Variants in ARHGAP9 observed in about 807,000 individuals in gnomAD.
ARHGAP9 encodes the protein rho GTPase-activating protein 9.
Under a neutral mutation model 87.3 loss-of-function variants are expected in ARHGAP9, and 76 were observed. That is an observed-to-expected ratio of 0.87 (90% CI 0.72 to 1.05). The LOEUF is 1.05. Among genes scored for constraint, ARHGAP9 ranks in the 50% least tolerant of loss-of-function variants. The pLI, the probability that ARHGAP9 is intolerant of heterozygous loss-of-function variation, is 0.00. For synonymous variants in ARHGAP9, 382 were observed against 394.9 expected (o/e 0.97, Z 0.39); for missense variants, 941 against 960.5 (o/e 0.98, Z 0.27).
In ARHGAP9 at chr12:57,479,090, C is replaced by T. The variant is rs2139957299; in HGVS notation, c.316+1G>A. On this transcript the variant is annotated splice_donor_variant, in intron 2 of 17. Transcript: ENST00000393791. LOFTEE classifies it high-confidence loss of function. The stretch of plus-strand genomic sequence containing the variant: ...AGGGAGAGGGCTTAGCGCTTACTCA[C>T]CAGGAGTCCAGAGCAATTGGCCGGG... 2 of 1,613,912 alleles carry T rather than the reference C, an allele frequency of 1.2e-6. No homozygotes were observed. The highest frequency in any genetic ancestry group is 2.2e-5 in the East Asian group (1 of 44,862).
intron 17 of ARHGAP9, 73 bp downstream of exon 17, chr12:57,473,530 C>G: frequency 7.1e-7 from 1 of 1,410,502 alleles, no homozygotes. Context: ...TTCACTCCAC[C>G]TGCACAGAGT....
intron 6 of ARHGAP9, 108 bp downstream of exon 6, chr12:57,476,763 G>A: frequency 2.6e-6 from 4 of 1,539,906 alleles, no homozygotes; most frequent in South Asian, 2.2e-5. Flanking sequence ...CTGGGGGAGG[G>A]CTGGGTAGGA....
At chr12:57,482,216 A>T (rs897571652), upstream of ARHGAP9, among the ~76,000 whole-genome samples, 2 of 152,038 alleles carry the variant, frequency 1.3e-5, no homozygotes, top group African/African-American at 4.8e-5. Context: ...GAGGTGCAAC[A>T]TAGTGAGATC....
intron 4 of ARHGAP9, 71 bp from the exon 5 acceptor site, chr12:57,477,340 T>C: frequency 2.6e-6 from 4 of 1,514,164 alleles, no homozygotes; most frequent in Middle Eastern, 3.5e-4. Context: ...ACCCTTCTTA[T>C]ACTTGGCTGA....
chr12:57,482,597 C>G (rs554659010), upstream of ARHGAP9, among the ~76,000 whole-genome samples: 1 of 151,930 alleles, frequency 6.6e-6, no homozygotes, highest in Non-Finnish European at 1.5e-5. Flanking sequence ...CCCAGCTGCT[C>G]GGGAGGCTGA....
chr12:57,478,341 G>A (rs906841080), intron 3 of ARHGAP9, 199 bp downstream of exon 3: 27 of 606,320 alleles, frequency 4.5e-5, no homozygotes, highest in African/African-American at 2.2e-4. Context: ...ACTGAATGCC[G>A]TGACCTCACA....
chr12:57,477,529 C>G lies in ARHGAP9; in HGVS notation c.686G>C (p.Arg229Pro). 6.2e-7 allele frequency: 1 copy of G among 1,614,050 alleles called. No homozygotes were observed. The highest frequency in any genetic ancestry group is 8.5e-7 in the Non-Finnish European group (1 of 1,179,982). The change falls in exon 4 of 18, where the codon CGC (arginine) becomes CCC (proline). Residue 229 changes from arginine (R) to proline (P), a missense_variant. By Grantham distance (103) the Arg-to-Pro change is moderately radical (BLOSUM62 -2). Coordinates refer to ENST00000393791, the MANE Select transcript of ARHGAP9 (RefSeq NM_032496.4). ...WEQHLDPNSG[R>P]CFYINSLTGC... Reference sequence around the variant, plus strand: ...AGTCAGTGAATTTATGTAGAAGCAGCGTCCAGAGTTGGGGTCCAGGTGCTG... The same window carrying G: ...AGTCAGTGAATTTATGTAGAAGCAGGGTCCAGAGTTGGGGTCCAGGTGCTG...
intron 17 of ARHGAP9, 54 bp from the exon 18 acceptor site, chr12:57,472,742 G>A (rs1872247475): frequency 3.2e-6 from 5 of 1,575,088 alleles, no homozygotes; most frequent in East Asian, 2.2e-5. Context: ...CCACTTCATA[G>A]CAATCTAACT....
At chr12:57,472,757 C>T (rs1872254758) in intron 17 of ARHGAP9, 69 bp from the exon 18 acceptor site, 2 of 1,527,320 alleles carry the variant, frequency 1.3e-6, no homozygotes, top group Admixed American at 1.7e-5. Flanking sequence ...CTAACTAACC[C>T]TTCAAAGTTC....
chr12:57,486,263 C>T (rs188052720), intron 1 of ARHGAP9, among the ~76,000 whole-genome samples: 3 of 151,976 alleles, frequency 2.0e-5, no homozygotes, highest in Admixed American at 1.3e-4. Flanking sequence ...TCTTAGCCAT[C>T]TTGAATCTCA....
chr12:57,480,932 T>A, upstream of ARHGAP9: 1 of 1,186,472 alleles, frequency 8.4e-7, no homozygotes, highest in Non-Finnish European at 1.2e-6. Flanking sequence ...GGGTGGCTAG[T>A]ACTGGGCTTC....
Position 57,475,384 on chromosome 12 carries a change from C to T in ARHGAP9, c.1459G>A (p.Gly487Ser), listed in dbSNP as rs1454407462. 5.0e-6 allele frequency: 8 copies of T among 1,596,288 alleles called. No individual in the cohort carries two copies. The African/African-American group carries it at 5.4e-5, about 11-fold the overall frequency. ...SRRSSIRGPE[G>S]TEQNRVRNKL... ...TTGCGCACGCGGTTCTGCTCGGTGC[C>T]TTCGGGCCCCCGAACTGCAGGAGGC... Residue 487 changes from glycine (G) to serine (S), a missense_variant, in exon 12 of 18, where the codon GGC becomes AGC. Gly to Ser is a moderately conservative substitution (Grantham distance 56, BLOSUM62 0). Coordinates refer to ENST00000393791, the MANE Select transcript of ARHGAP9 (RefSeq NM_032496.4).
In ARHGAP9 at chr12:57,477,237, C is replaced by A; in HGVS notation, c.789G>T (p.Leu263=). 6.3e-7 allele frequency: 1 copy of A among 1,592,692 alleles called. No individual in the cohort carries two copies. The highest frequency in any genetic ancestry group is 8.6e-7 in the Non-Finnish European group (1 of 1,169,096). Reference sequence around the variant, plus strand: ...GTTGCAGGACATCATTGTTCCTCTTCAGGGTCTGTGTCCCCTCCATGGAGC... The same window carrying A: ...GTTGCAGGACATCATTGTTCCTCTTAAGGGTCTGTGTCCCCTCCATGGAGC... ...NPGSMEGTQT[L]KRNNDVLQPQ... Residue 263 remains leucine (L), a synonymous_variant, in exon 5 of 18, where the codon CTG becomes CTT. Coordinates refer to ENST00000393791, the MANE Select transcript of ARHGAP9 (RefSeq NM_032496.4).
intron 1 of ARHGAP9, among the ~76,000 whole-genome samples, chr12:57,485,242 C>A (rs1397816698): frequency 1.3e-5 from 2 of 151,944 alleles, no homozygotes; most frequent in African/African-American, 4.8e-5. Flanking sequence ...CCACCACGCC[C>A]AGCCTCTTGG....
At chr12:57,472,781 G>T (rs1872264974) in intron 17 of ARHGAP9, 93 bp from the exon 18 acceptor site, 2 of 1,356,988 alleles carry the variant, frequency 1.5e-6, no homozygotes, top group Non-Finnish European at 2.1e-6. Flanking sequence ...GCAGGGAAGA[G>T]TTCACTCTGG....
chr12:57,484,866 G>A (rs549480847), upstream of ARHGAP9, among the ~76,000 whole-genome samples: 16 of 152,064 alleles, frequency 1.1e-4, no homozygotes, highest in Admixed American at 9.8e-4. Context: ...GGATGGTCTC[G>A]AACTCCTGAC....
Position 57,474,065 on chromosome 12 carries a change from A to G in ARHGAP9, c.1895T>C (p.Leu632Pro). ...ACCAAGGGCAGCACGGAAATGGGGC[A>G]GCAGCAGTGGTGGCACCAGAGGCTG... is the stretch of plus-strand genomic sequence containing the variant. ...LPQPLVPPLLLPHFRAALALS... is the reference protein window; with the variant it reads ...LPQPLVPPLLPPHFRAALALS... Residue 632 changes from leucine (L) to proline (P), a missense_variant, in exon 16 of 18, where the codon CTG becomes CCG. Coordinates refer to ENST00000393791, the MANE Select transcript of ARHGAP9 (RefSeq NM_032496.4). The G allele has an allele frequency of 6.2e-7, 1 of 1,614,052 alleles. No individual in the cohort carries two copies. Among genetic ancestry groups the G allele is most frequent in the Non-Finnish European group, 8.5e-7 (1 of 1,179,972 alleles).
chr12:57,474,798 T>G, intron 13 of ARHGAP9, 77 bp downstream of exon 13: 2 of 1,604,720 alleles, frequency 1.2e-6, no homozygotes, highest in South Asian at 2.2e-5. Context: ...GTAGGAAGAC[T>G]AGGTAGAATG....
chr12:57,484,142 G>C (rs1246427731), upstream of ARHGAP9: 2 of 192,372 alleles, frequency 1.0e-5, no homozygotes, highest in Non-Finnish European at 2.2e-5. Flanking sequence ...CACAAGGTCA[G>C]GAGTTCGAGA....
Sources: gnomAD v4.1 joint callset for allele counts (sites outside exome capture counted in the v4.1 genomes callset) on GRCh38, gnomAD v4.1.1 for gene constraint, MANE v1.5 for transcripts, NCBI Gene and HGNC (gene_info 2026-07-23, HGNC 2026-07-21) for gene names.